Variants in POFUT3 observed in about 807,000 individuals in gnomAD.
The protein encoded by POFUT3 is protein O-fucosyltransferase 3, also known as GDP-fucose protein O-fucosyltransferase 3.
the POFUT3 span, among the ~76,000 whole-genome samples, chr8:33,345,122 C>CACAT: frequency 6.6e-6 from 1 of 152,310 alleles, no homozygotes; most frequent in South Asian, 2.1e-4. Context: ...GCATTAAAAA[C>CACAT]ACATTTGCAG....
the POFUT3 span, among the ~76,000 whole-genome samples, chr8:33,378,523 C>T: frequency 6.6e-6 from 1 of 152,136 alleles, no homozygotes; most frequent in African/African-American, 2.4e-5. Context: ...AAAAGCTTCA[C>T]CCCTGAGACC....
the POFUT3 span, chr8:33,372,340 T>C: frequency 2.1e-5 from 27 of 1,278,158 alleles, no homozygotes; most frequent in Admixed American, 2.6e-4. Context: ...GACACGGACA[T>C]GGAAGATAAC....
chr8:33,314,999 G>A, the POFUT3 span, among the ~76,000 whole-genome samples: 1 of 152,118 alleles, frequency 6.6e-6, no homozygotes. Context: ...TTATGCTTCA[G>A]TAGAACCAAA....
the POFUT3 span, among the ~76,000 whole-genome samples, chr8:33,380,232 A>ATATATATATATAC: frequency 1.2e-5 from 1 of 83,026 alleles, no homozygotes; most frequent in African/African-American, 8.0e-5. Flanking sequence ...TATATATACT[A>ATATATATATATAC]TATATATATA....
chr8:33,379,112 G>A, the POFUT3 span, among the ~76,000 whole-genome samples: 7 of 151,846 alleles, frequency 4.6e-5, no homozygotes, highest in East Asian at 1.9e-4. Context: ...CTGCTTTGTC[G>A]TGGTAAGATG....
the POFUT3 span, among the ~76,000 whole-genome samples, chr8:33,472,760 A>G: frequency 6.6e-6 from 1 of 152,112 alleles, no homozygotes; most frequent in Admixed American, 6.5e-5. Flanking sequence ...TCCGGGCTCC[A>G]GCAGAGGCTC....
the POFUT3 span, among the ~76,000 whole-genome samples, chr8:33,357,253 T>C: frequency 6.6e-6 from 1 of 152,152 alleles, no homozygotes; most frequent in Non-Finnish European, 1.5e-5. Context: ...ATCTATAAAT[T>C]ACCTTGGGCA....
the POFUT3 span, among the ~76,000 whole-genome samples, chr8:33,323,880 T>C: frequency 6.6e-6 from 1 of 152,190 alleles, no homozygotes; most frequent in Non-Finnish European, 1.5e-5. Flanking sequence ...CCCTCTTTCA[T>C]GCTTTAGTTT....
chr8:33,401,302 T>C, the POFUT3 span, among the ~76,000 whole-genome samples: 1 of 151,994 alleles, frequency 6.6e-6, no homozygotes, highest in East Asian at 1.9e-4. Context: ...CATATTCTCT[T>C]GTCAAATGGT....
the POFUT3 span, among the ~76,000 whole-genome samples, chr8:33,349,693 T>C: frequency 4.6e-4 from 70 of 152,210 alleles, no homozygotes; most frequent in Admixed American, 1.0e-3. Context: ...TCGATGGGCA[T>C]TTAGGCTAGT....
At chr8:33,361,866 C>T in the POFUT3 span, among the ~76,000 whole-genome samples, 1 of 151,924 alleles carries the variant, frequency 6.6e-6, no homozygotes, top group East Asian at 1.9e-4. Flanking sequence ...ACTCATTGAT[C>T]GATAGCTGTG....
At chr8:33,392,980 C>CAAAAA in the POFUT3 span, among the ~76,000 whole-genome samples, 8 of 151,424 alleles carry the variant, frequency 5.3e-5, no homozygotes, top group African/African-American at 1.9e-4. Flanking sequence ...GACTCTGTCT[C>CAAAAA]AAAAACAAAA....
the POFUT3 span, among the ~76,000 whole-genome samples, chr8:33,437,641 T>C: frequency 1.3e-5 from 2 of 152,158 alleles, no homozygotes; most frequent in South Asian, 4.2e-4. Context: ...TGAAACTCTG[T>C]CTCTATTAAA....
At chr8:33,384,874 A>AACTCAG in the POFUT3 span, among the ~76,000 whole-genome samples, 3 of 152,098 alleles carry the variant, frequency 2.0e-5, no homozygotes, top group East Asian at 5.8e-4. Context: ...GTACAACACT[A>AACTCAG]ACTCAGACTC....
the POFUT3 span, among the ~76,000 whole-genome samples, chr8:33,396,299 C>T: frequency 2.6e-4 from 39 of 152,270 alleles, no homozygotes; most frequent in East Asian, 5.4e-3. Context: ...TTTTGCTCCA[C>T]CAGCCCTTCA....
chr8:33,392,717 C>T, the POFUT3 span, among the ~76,000 whole-genome samples: 1 of 151,894 alleles, frequency 6.6e-6, no homozygotes, highest in Non-Finnish European at 1.5e-5. Context: ...GGCATGGTGG[C>T]TCACACCTGT....
chr8:33,389,856 G>T, the POFUT3 span: 1 of 1,231,212 alleles, frequency 8.1e-7, no homozygotes, highest in Non-Finnish European at 1.2e-6. Flanking sequence ...CTAAGTTTGG[G>T]TCTACCTGGT....
chr8:33,407,691 T>C, the POFUT3 span, among the ~76,000 whole-genome samples: 1 of 152,272 alleles, frequency 6.6e-6, no homozygotes, highest in East Asian at 1.9e-4. Flanking sequence ...GGGTCCTTTG[T>C]AGCTGAGAGC....
the POFUT3 span, chr8:33,389,719 C>T: frequency 9.3e-6 from 15 of 1,613,964 alleles, no homozygotes; most frequent in Middle Eastern, 4.9e-4. Context: ...AATTGTTTTT[C>T]GGGGACTCTT....
Sources: allele counts gnomAD v4.1 joint callset (sites outside exome capture counted in the v4.1 genomes callset), GRCh38; gene constraint gnomAD v4.1.1; transcripts MANE v1.5; gene names NCBI Gene and HGNC (gene_info 2026-07-23, HGNC 2026-07-21).